PEAK1: variants seen among roughly 807,000 people sequenced by gnomAD.
The protein encoded by PEAK1 is pseudopodium enriched atypical kinase 1.
PEAK1 carries 54 observed loss-of-function variants against 124.7 expected under a neutral mutation model. The ratio of observed to expected loss-of-function variants is 0.43; its 90% CI spans 0.35 to 0.54. The LOEUF is 0.54. Ranked by LOEUF, PEAK1 falls within the 20% of genes least tolerant of loss-of-function variation. PEAK1 has a pLI of 0.01. For synonymous variants in PEAK1, 719 were observed against 760.0 expected, an observed-to-expected ratio of 0.95 and a Z score of 0.89; for missense variants, 2,046 against 2,134.5, an observed-to-expected ratio of 0.96 and a Z score of 0.82.
intron 7 of PEAK1, among the ~76,000 whole-genome samples, chr15:77,165,270 C>T (rs1310719512): frequency 6.6e-6 from 1 of 151,658 alleles, no homozygotes; most frequent in African/African-American, 2.4e-5. Flanking sequence ...ACTCAGCTCA[C>T]TGCAACCTCT....
chr15:77,378,100 CAT>C lies in PEAK1; in HGVS notation c.-665-12877_-665-12876del, dbSNP rs561458951. 2.9e-3 allele frequency among the ~76,000 whole-genome samples: 442 copies of C among 151,868 alleles called. 1 individual carries two copies. Among genetic ancestry groups the C allele is most frequent in the African/African-American group, 0.01 (423 of 41,454 alleles). On this transcript the variant is annotated intron_variant, in intron 1 of 9. Coordinates refer to ENST00000682557, the MANE Select transcript of PEAK1 (RefSeq NM_001385026.1). ...CATTTGAATATGCTATTATTTTACA[CAT>C]GAGTTTAAAAAGAAAACTATGCCTG...
At chr15:77,212,238 G>T (rs1269840690) in intron 6 of PEAK1, among the ~76,000 whole-genome samples, 1 of 152,144 alleles carries the variant, frequency 6.6e-6, no homozygotes, top group East Asian at 1.9e-4. Context: ...CCTAAGCTGG[G>T]AATTCAGCCC....
intron 1 of PEAK1, among the ~76,000 whole-genome samples, chr15:77,373,022 G>C (rs1485161644): frequency 6.6e-6 from 1 of 152,106 alleles, no homozygotes; most frequent in East Asian, 1.9e-4. Flanking sequence ...AAATTACCCA[G>C]TCCAGGTATT....
In PEAK1 at chr15:77,220,659, CAT is replaced by C. The variant is rs572484469; in HGVS notation, c.-115+31706_-115+31707del. Among the ~76,000 whole-genome samples the C allele has an allele frequency of 4.6e-3, 703 of 151,666 alleles. 4 individuals are homozygous for C. Among genetic ancestry groups the C allele is most frequent in the African/African-American group, 0.012 (484 of 41,388 alleles). ...GCAAACAAAGTACATTAAAAATTCA[CAT>C]GTCTTTTTATCTTGCAATTAATTTC... is the stretch of plus-strand genomic sequence containing the variant. On this transcript the variant is annotated intron_variant, in intron 6 of 9. Transcript: ENST00000682557.
chr15:77,148,828 G>T (rs1406266747), intron 8 of PEAK1, among the ~76,000 whole-genome samples: 4 of 152,100 alleles, frequency 2.6e-5, no homozygotes, highest in Admixed American at 6.6e-5. Flanking sequence ...AGGCTGGGAA[G>T]GGAGGACTGC....
intron 1 of PEAK1, among the ~76,000 whole-genome samples, chr15:77,397,594 AAAG>A (rs1210339273): frequency 6.6e-6 from 1 of 152,120 alleles, no homozygotes; most frequent in Non-Finnish European, 1.5e-5. Flanking sequence ...AAAAGATGAA[AAAG>A]AAGAAATTAA....
At chr15:77,333,733 T>A in intron 2 of PEAK1, 1 of 960,226 alleles carries the variant, frequency 1.0e-6, no homozygotes, top group Non-Finnish European at 1.2e-6. Flanking sequence ...CTATCATACA[T>A]TAATCTGTAT....
intron 6 of PEAK1, among the ~76,000 whole-genome samples, chr15:77,219,279 A>C (rs2059281262): frequency 6.6e-6 from 1 of 152,154 alleles, no homozygotes; most frequent in South Asian, 2.1e-4. Context: ...GAGATGATTC[A>C]GCAATGATTG....
chr15:77,158,653 G>A lies in PEAK1; in HGVS notation c.3181C>T (p.Pro1061Ser). The A allele has an allele frequency of 6.2e-7, 1 of 1,614,088 alleles. No homozygotes were observed. The highest frequency in any genetic ancestry group is 1.3e-5 in the African/African-American group (1 of 75,018). Residue 1061 changes from proline (P) to serine (S), a missense_variant, in exon 8 of 10, where the codon CCA (proline) becomes TCA (serine). Transcript: ENST00000682557. ...TCTTGCTTCCCAACAACAGTTCTTGGATCCCGAGGAGAAAAATCCTCTGTT... is the reference window on the plus strand; with the variant it reads ...TCTTGCTTCCCAACAACAGTTCTTGAATCCCGAGGAGAAAAATCCTCTGTT... The part of the protein sequence containing the change: ...EVTEDFSPRD[P>S]RTVVGKQDGR...
chr15:77,291,862 C>T (rs930827861), intron 2 of PEAK1, among the ~76,000 whole-genome samples: 7 of 151,422 alleles, frequency 4.6e-5, no homozygotes, highest in African/African-American at 1.7e-4. Context: ...CTGTAGTCCC[C>T]GCTACTCAGG....
In PEAK1 at chr15:77,188,015, TA is replaced by T. The variant is rs1232139080; in HGVS notation, c.-114-5976del. Among the ~76,000 whole-genome samples the T allele has an allele frequency of 2.6e-5, 4 of 151,928 alleles. No individual in the cohort carries two copies. In the East Asian group the frequency reaches 5.8e-4, roughly 22 times the overall value. On this transcript the variant is annotated intron_variant, in intron 6 of 9. Transcript: ENST00000682557. ...GCTGCCAAACTCTTCAGTATATGAC[TA>T]AAAGGGTGGGGAGAGGAAGTGAAAG... is the stretch of plus-strand genomic sequence containing the variant.
intron 8 of PEAK1, among the ~76,000 whole-genome samples, chr15:77,151,627 G>A (rs556719576): frequency 6.6e-6 from 1 of 152,018 alleles, no homozygotes; most frequent in Non-Finnish European, 1.5e-5. Flanking sequence ...TTTCTTCTAG[G>A]GTTTTTATGG....
At chr15:77,397,917 T>C (rs573079010) in intron 1 of PEAK1, among the ~76,000 whole-genome samples, 4 of 151,444 alleles carry the variant, frequency 2.6e-5, no homozygotes, top group Non-Finnish European at 5.9e-5. Flanking sequence ...AAAAAAAAAT[T>C]AGCCAGGCAT....
chr15:77,112,169 T>G lies in PEAK1; in HGVS notation c.*1987A>C, dbSNP rs1394064542. On this transcript the variant is annotated 3_prime_UTR_variant, in exon 10 of 10. Transcript: ENST00000682557. ...TCTTTGTGGGCTAACCAGCCTTCTT[T>G]CCTGTGAGTCCTATATTGCTGGCCA... The G allele has an allele frequency of 6.6e-6, 1 of 152,210 alleles. No individual in the cohort carries two copies. Among genetic ancestry groups the G allele is most frequent in the Non-Finnish European group, 1.5e-5 (1 of 68,032 alleles). The allele number at this position is 152,210 out of a possible 1,614,324, so 9.4% of individuals were successfully genotyped here.
intron 2 of PEAK1, among the ~76,000 whole-genome samples, chr15:77,361,876 C>T (rs1014413483): frequency 6.6e-6 from 1 of 151,538 alleles, no homozygotes; most frequent in Non-Finnish European, 1.5e-5. Context: ...TATATATATA[C>T]CAGAGAATGC....
At chr15:77,168,549 A>G (rs2056288510) in intron 7 of PEAK1, among the ~76,000 whole-genome samples, 1 of 152,240 alleles carries the variant, frequency 6.6e-6, no homozygotes, top group Non-Finnish European at 1.5e-5. Context: ...CTTATTTTAC[A>G]GAAACAGGTA....
chr15:77,303,237 T>C (rs2063885361), intron 2 of PEAK1, among the ~76,000 whole-genome samples: 1 of 152,226 alleles, frequency 6.6e-6, no homozygotes, highest in Non-Finnish European at 1.5e-5. Context: ...ACAGGTCTTG[T>C]GTGAACAGAA....
chr15:77,267,915 T>C (rs1653762925), intron 5 of PEAK1, among the ~76,000 whole-genome samples: 1 of 151,540 alleles, frequency 6.6e-6, no homozygotes, highest in Non-Finnish European at 1.5e-5. Flanking sequence ...ATTAAGCCAA[T>C]AGAGGAGGCA....
intron 6 of PEAK1, among the ~76,000 whole-genome samples, chr15:77,182,593 A>G (rs2057332933): frequency 6.6e-6 from 1 of 151,958 alleles, no homozygotes. Flanking sequence ...CTCTAAAAAA[A>G]ATATAAAAAT....
Sources: gnomAD v4.1 joint callset for allele counts (sites outside exome capture counted in the v4.1 genomes callset) on GRCh38, gnomAD v4.1.1 for gene constraint, MANE v1.5 for transcripts, NCBI Gene and HGNC (gene_info 2026-07-23, HGNC 2026-07-21) for gene names.